FNBP1L: variants seen among roughly 807,000 people sequenced by gnomAD.
The protein encoded by FNBP1L is formin-binding protein 1-like.
A neutral mutation model predicts 91.2 loss-of-function variants in FNBP1L; 36 were observed. The observed-to-expected ratio is 0.39, with a 90% CI of 0.30 to 0.52. The LOEUF (loss-of-function observed/expected upper bound fraction) is 0.52, where lower values mean the gene tolerates loss of function less well. FNBP1L is among the 20% of genes least tolerant of loss of function. The pLI is 0.66. For missense variants in FNBP1L, 571 were observed against 732.1 expected, an observed-to-expected ratio of 0.78 and a Z score of 2.54; for synonymous variants, 242 against 237.0, an observed-to-expected ratio of 1.02 and a Z score of -0.19.
At chr1:93,494,055 G>T (rs1285952854) in intron 1 of FNBP1L, among the ~76,000 whole-genome samples, 3 of 152,068 alleles carry the variant, frequency 2.0e-5, no homozygotes, top group African/African-American at 7.2e-5. Context: ...CCATAATACC[G>T]CCTGGACTTC....
chr1:93,459,940 G>GGTGT (rs1557773915), intron 1 of FNBP1L, among the ~76,000 whole-genome samples: 7 of 54,830 alleles, frequency 1.3e-4, no homozygotes, highest in East Asian at 6.6e-4. Flanking sequence ...TTGGATTTCA[G>GGTGT]ATGTGTGTGT....
intron 7 of FNBP1L, 45 bp downstream of exon 7, chr1:93,530,928 G>A: frequency 1.4e-6 from 2 of 1,433,700 alleles, no homozygotes; most frequent in African/African-American, 1.5e-5. Flanking sequence ...ATTAACTGGT[G>A]TTTAAATATA....
At chr1:93,549,907 G>A (rs541791718) in intron 15 of FNBP1L, among the ~76,000 whole-genome samples, 2 of 152,198 alleles carry the variant, frequency 1.3e-5, no homozygotes, top group Non-Finnish European at 2.9e-5. Flanking sequence ...AAGTGGGAGA[G>A]AATGTAGTAG....
At chr1:93,468,803 C>T (rs181829972) in intron 1 of FNBP1L, among the ~76,000 whole-genome samples, 1 of 152,258 alleles carries the variant, frequency 6.6e-6, no homozygotes, top group Non-Finnish European at 1.5e-5. Context: ...ATTGTTGAGT[C>T]ATATGGTAAC....
intron 1 of FNBP1L, among the ~76,000 whole-genome samples, chr1:93,487,449 CAT>C (rs1472866517): frequency 6.6e-6 from 1 of 152,166 alleles, no homozygotes; most frequent in East Asian, 1.9e-4. Context: ...GGCTGTAGTA[CAT>C]GTTTGGCATC....
intron 1 of FNBP1L, among the ~76,000 whole-genome samples, chr1:93,480,625 G>A (rs1301233191): frequency 2.0e-5 from 3 of 150,948 alleles, no homozygotes; most frequent in Non-Finnish European, 2.9e-5. Context: ...GGACTCTGTC[G>A]CCCAGGCTGG....
chr1:93,504,525 C>T (rs895295881), intron 2 of FNBP1L, among the ~76,000 whole-genome samples: 1 of 152,192 alleles, frequency 6.6e-6, no homozygotes, highest in Non-Finnish European at 1.5e-5. Context: ...TACATAGTCT[C>T]TATCTCATTT....
chr1:93,551,706 G>A, intron 16 of FNBP1L: 1 of 984,342 alleles, frequency 1.0e-6, no homozygotes, highest in Non-Finnish European at 1.2e-6. Flanking sequence ...ATCTATTTAA[G>A]TAGATTTAAA....
At chr1:93,509,658 G>A (rs1230779326) in intron 2 of FNBP1L, among the ~76,000 whole-genome samples, 3 of 152,230 alleles carry the variant, frequency 2.0e-5, no homozygotes, top group African/African-American at 4.8e-5. Context: ...CAGCGTGAGC[G>A]ACGCAGAAGA....
At chr1:93,491,600 G>C (rs1262231916) in intron 1 of FNBP1L, among the ~76,000 whole-genome samples, 1 of 152,172 alleles carries the variant, frequency 6.6e-6, no homozygotes. Context: ...GCCTCCTAAA[G>C]TGCTGGAATG....
chr1:93,485,233 A>C (rs1360391861), intron 1 of FNBP1L, among the ~76,000 whole-genome samples: 1 of 151,476 alleles, frequency 6.6e-6, no homozygotes, highest in Non-Finnish European at 1.5e-5. Context: ...CTGTGTGGGA[A>C]GATGGGAAGA....
At chr1:93,469,134 A>T (rs997239159) in intron 1 of FNBP1L, among the ~76,000 whole-genome samples, 2 of 151,878 alleles carry the variant, frequency 1.3e-5, no homozygotes, top group African/African-American at 4.8e-5. Flanking sequence ...TGTGCACAAC[A>T]TGCAGGTTTG....
At chr1:93,493,639 T>C (rs1670169823) in intron 1 of FNBP1L, among the ~76,000 whole-genome samples, 1 of 152,238 alleles carries the variant, frequency 6.6e-6, no homozygotes, top group Admixed American at 6.5e-5. Context: ...TTCTGTCTTA[T>C]TTTACTTAGC....
At chr1:93,490,718 T>C (rs530390417) in intron 1 of FNBP1L, among the ~76,000 whole-genome samples, 1 of 152,336 alleles carries the variant, frequency 6.6e-6, no homozygotes, top group Admixed American at 6.5e-5. Flanking sequence ...GATGACTTAA[T>C]ATTCTTCTTT....
At chr1:93,525,933 T>C (rs1234964871) in intron 5 of FNBP1L, among the ~76,000 whole-genome samples, 4 of 152,180 alleles carry the variant, frequency 2.6e-5, no homozygotes, top group Admixed American at 6.5e-5. Context: ...AAGTGTAGGA[T>C]TCTATTTCCT....
intron 1 of FNBP1L, among the ~76,000 whole-genome samples, chr1:93,460,909 A>AGTT (rs1668837975): frequency 6.6e-6 from 1 of 152,234 alleles, no homozygotes; most frequent in Non-Finnish European, 1.5e-5. Context: ...CTGTAAGAAT[A>AGTT]GTTTTATATC....
intron 11 of FNBP1L, 148 bp downstream of exon 11, chr1:93,541,204 G>A (rs1225041471): frequency 2.9e-6 from 2 of 682,074 alleles, no homozygotes; most frequent in Admixed American, 5.1e-5. Flanking sequence ...TCCAGCATAT[G>A]CCAGTACTCT....
chr1:93,539,190 T>G (rs996511540), intron 10 of FNBP1L, among the ~76,000 whole-genome samples: 5 of 152,084 alleles, frequency 3.3e-5, no homozygotes, highest in African/African-American at 4.8e-5. Context: ...GACATTTTTC[T>G]AAGCTTTTAT....
chr1:93,509,371 C>G (rs772140008), intron 2 of FNBP1L, among the ~76,000 whole-genome samples: 4 of 152,180 alleles, frequency 2.6e-5, no homozygotes, highest in Non-Finnish European at 5.9e-5. Context: ...AATGCTTCAG[C>G]CTGTACTTAC....
Sources: gnomAD v4.1 joint callset for allele counts (sites outside exome capture counted in the v4.1 genomes callset) on GRCh38, gnomAD v4.1.1 for gene constraint, MANE v1.5 for transcripts, NCBI Gene and HGNC (gene_info 2026-07-23, HGNC 2026-07-21) for gene names.